Variants in TMEM74 observed in about 807,000 individuals in gnomAD.
TMEM74 encodes transmembrane protein 74.
In TMEM74, 13 loss-of-function variants were observed where a neutral mutation model predicts 18.1. That is an observed-to-expected ratio of 0.72 (90% CI 0.47 to 1.14). TMEM74 has a LOEUF of 1.14. TMEM74 is among the 50% of genes most tolerant of loss of function. The pLI is 0.00. For missense variants in TMEM74, 372 were observed against 375.9 expected (o/e 0.99, Z 0.09); for synonymous variants, 159 against 146.6 (o/e 1.08, Z -0.61).
intron 1 of TMEM74, among the ~76,000 whole-genome samples, chr8:108,756,596 G>GGAAGGA (rs1554577362): frequency 3.9e-4 from 21 of 53,278 alleles, no homozygotes; most frequent in East Asian, 1.3e-3. Flanking sequence ...AAGAAAGAAA[G>GGAAGGA]AGAAAGGAAG....
chr8:108,613,041 A>G (rs551083350), intron 2 of TMEM74, among the ~76,000 whole-genome samples: 55 of 152,348 alleles, frequency 3.6e-4, no homozygotes, highest in Admixed American at 1.7e-3. Flanking sequence ...ATTCAAAGAA[A>G]AAAAGCAGTA....
Position 108,784,977 on chromosome 8 carries a change from C to A in TMEM74, c.122G>T (p.Cys41Phe), listed in dbSNP as rs1210685709. ...ADTAATRAAL[C>F]CQKQCASTPR... ...GGTGGATGCACACTGTTTCTGACAG[C>A]AGAGAGCAGCTCTTGTGGCTGCTGT... Residue 41 changes from cysteine (C) to phenylalanine (F), a missense_variant, in exon 2 of 2, where the codon TGC (cysteine) becomes TTC (phenylalanine). Cys to Phe is a radical substitution (Grantham distance 205). Transcript: ENST00000297459. 6.2e-7 allele frequency: 1 copy of A among 1,614,018 alleles called. No individual in the cohort carries two copies. The highest frequency in any genetic ancestry group is 8.5e-7 in the Non-Finnish European group (1 of 1,180,044).
intron 1 of TMEM74, among the ~76,000 whole-genome samples, chr8:108,729,664 G>C (rs907795539): frequency 6.6e-6 from 1 of 152,124 alleles, no homozygotes; most frequent in African/African-American, 2.4e-5. Context: ...CAAGAAGAGA[G>C]GTAAACATTA....
intron 2 of TMEM74, among the ~76,000 whole-genome samples, chr8:108,615,168 G>A (rs1812371086): frequency 3.3e-5 from 5 of 152,174 alleles, no homozygotes; most frequent in Non-Finnish European, 5.9e-5. Context: ...CCCAGGAGAC[G>A]CTGAACAGCC....
At chr8:108,631,959 A>G (rs1054211555) in intron 2 of TMEM74, among the ~76,000 whole-genome samples, 1 of 152,012 alleles carries the variant, frequency 6.6e-6, no homozygotes, top group African/African-American at 2.4e-5. Flanking sequence ...TAAGTCAGGC[A>G]TTGTGCCCAA....
At chr8:108,626,932 G>A (rs1409604283) in intron 2 of TMEM74, among the ~76,000 whole-genome samples, 1 of 151,844 alleles carries the variant, frequency 6.6e-6, no homozygotes, top group Non-Finnish European at 1.5e-5. Context: ...TTTCTTAATG[G>A]TCATTACTAA....
chr8:108,637,770 GTTGTC>G (rs1198904943), intron 2 of TMEM74, among the ~76,000 whole-genome samples: 1 of 152,164 alleles, frequency 6.6e-6, no homozygotes, highest in Non-Finnish European at 1.5e-5. Flanking sequence ...ATGAATTTGT[GTTGTC>G]TTAAGCCACT....
chr8:108,752,952 A>C (rs1018298722), intron 1 of TMEM74, among the ~76,000 whole-genome samples: 4 of 152,104 alleles, frequency 2.6e-5, no homozygotes, highest in African/African-American at 9.6e-5. Context: ...AGTGTCACTA[A>C]AAATTTGTTA....
At chr8:108,665,169 C>A (rs543777735) in intron 1 of TMEM74, among the ~76,000 whole-genome samples, 1 of 152,194 alleles carries the variant, frequency 6.6e-6, no homozygotes, top group South Asian at 2.1e-4. Flanking sequence ...TTGAAATTGG[C>A]CTCTCCTACT....
At chr8:108,725,001 G>T (rs949016084) in intron 1 of TMEM74, among the ~76,000 whole-genome samples, 4 of 152,152 alleles carry the variant, frequency 2.6e-5, no homozygotes, top group African/African-American at 9.7e-5. Context: ...ACCAGCCTGG[G>T]CATTTCTCAC....
chr8:108,700,778 C>G (rs901495846), intron 1 of TMEM74, among the ~76,000 whole-genome samples: 1 of 152,158 alleles, frequency 6.6e-6, no homozygotes, highest in Non-Finnish European at 1.5e-5. Context: ...AGTGACTGTG[C>G]TCAGGAGGGT....
intron 1 of TMEM74, among the ~76,000 whole-genome samples, chr8:108,726,765 C>G (rs1261408155): frequency 6.6e-6 from 1 of 151,764 alleles, no homozygotes; most frequent in East Asian, 1.9e-4. Flanking sequence ...ACGACCATGT[C>G]CTTGTAGGGC....
intron 1 of TMEM74, among the ~76,000 whole-genome samples, chr8:108,733,713 T>G (rs1470005728): frequency 6.6e-6 from 1 of 152,238 alleles, no homozygotes; most frequent in African/African-American, 2.4e-5. Context: ...GCTATGAATA[T>G]TCAGCATTTA....
At chr8:108,734,548 C>T (rs986688155) in intron 1 of TMEM74, among the ~76,000 whole-genome samples, 4 of 152,104 alleles carry the variant, frequency 2.6e-5, no homozygotes, top group Non-Finnish European at 5.9e-5. Context: ...TTCGCTAAAT[C>T]GTCATCTCTA....
At chr8:108,752,990 A>G (rs1373992668) in intron 1 of TMEM74, among the ~76,000 whole-genome samples, 1 of 152,056 alleles carries the variant, frequency 6.6e-6, no homozygotes, top group Non-Finnish European at 1.5e-5. Context: ...GCCTTTTGGG[A>G]ACACACAGCC....
intron 2 of TMEM74, among the ~76,000 whole-genome samples, chr8:108,609,961 A>T (rs1812318834): frequency 6.6e-6 from 1 of 152,230 alleles, no homozygotes; most frequent in African/African-American, 2.4e-5. Flanking sequence ...CTCAGAACAG[A>T]AGAAGAAAGA....
intron 1 of TMEM74, among the ~76,000 whole-genome samples, chr8:108,657,411 T>C (rs1812830407): frequency 6.6e-6 from 1 of 151,998 alleles, no homozygotes; most frequent in South Asian, 2.1e-4. Context: ...AGTTTGGGTA[T>C]TGGCCAAATG....
At chr8:108,611,198 T>C (rs1038187299) in intron 2 of TMEM74, among the ~76,000 whole-genome samples, 1 of 152,208 alleles carries the variant, frequency 6.6e-6, no homozygotes, top group Non-Finnish European at 1.5e-5. Flanking sequence ...ATGTTAGAAA[T>C]GTATCTGAGA....
chr8:108,743,948 T>A (rs1160129365), intron 1 of TMEM74, among the ~76,000 whole-genome samples: 1 of 152,144 alleles, frequency 6.6e-6, no homozygotes, highest in African/African-American at 2.4e-5. Flanking sequence ...AGACAGTTTT[T>A]ACCTAGGGAT....
Sources: allele counts gnomAD v4.1 joint callset (sites outside exome capture counted in the v4.1 genomes callset), GRCh38; gene constraint gnomAD v4.1.1; transcripts MANE v1.5; gene names NCBI Gene and HGNC (gene_info 2026-07-23, HGNC 2026-07-21).